MDFIC2: variants seen among roughly 807,000 people sequenced by gnomAD.
The protein encoded by MDFIC2 is MyoD family inhibitor domain containing 2.
rs75325298 is a variant in MDFIC2 at position 70,267,846 on chromosome 3, T to C, written c.88+44040A>G. On this transcript the variant is annotated intron_variant, in intron 2 of 3. Coordinates refer to ENST00000567252, the MANE Select transcript of MDFIC2 (RefSeq NM_001364677.1). Reference sequence around the variant, plus strand: ...AAAAATGGAAATTTAATATGATTACTAATATATCCAGATAACTTGTTTACC... The same window carrying C: ...AAAAATGGAAATTTAATATGATTACCAATATATCCAGATAACTTGTTTACC... 6.4e-3 allele frequency among the ~76,000 whole-genome samples: 967 copies of C among 152,272 alleles called. 4 individuals carry two copies. The highest frequency in any genetic ancestry group is 0.011 in the Non-Finnish European group (755 of 68,014).
At chr3:70,217,243 C>A (rs1701421538) in intron 2 of MDFIC2, among the ~76,000 whole-genome samples, 1 of 152,090 alleles carries the variant, frequency 6.6e-6, no homozygotes, top group Non-Finnish European at 1.5e-5. Context: ...CATGGTGAAT[C>A]ATAAGCTAAC....
intron 2 of MDFIC2, among the ~76,000 whole-genome samples, chr3:70,280,733 C>G (rs1702074400): frequency 6.6e-6 from 1 of 152,128 alleles, no homozygotes; most frequent in Admixed American, 6.5e-5. Context: ...AAACATTACT[C>G]TTAGTTTCCC....
chr3:70,293,320 A>G (rs1002511056), intron 2 of MDFIC2, among the ~76,000 whole-genome samples: 1 of 152,170 alleles, frequency 6.6e-6, no homozygotes, highest in African/African-American at 2.4e-5. Flanking sequence ...AAAAACTGTG[A>G]TATAGTTGTA....
At chr3:70,282,403 T>C (rs1702095461) in intron 2 of MDFIC2, among the ~76,000 whole-genome samples, 1 of 152,176 alleles carries the variant, frequency 6.6e-6, no homozygotes, top group South Asian at 2.1e-4. Flanking sequence ...TCCGATCATG[T>C]TAGTTACAGA....
At chr3:70,251,125 G>A (rs960604530) in intron 2 of MDFIC2, among the ~76,000 whole-genome samples, 4 of 152,106 alleles carry the variant, frequency 2.6e-5, no homozygotes, top group Admixed American at 6.6e-5. Context: ...ACAGGCCTGT[G>A]GTTAATTGTA....
intron 2 of MDFIC2, among the ~76,000 whole-genome samples, chr3:70,243,435 CTCTT>C (rs1404922003): frequency 6.6e-6 from 1 of 152,166 alleles, no homozygotes; most frequent in Non-Finnish European, 1.5e-5. Flanking sequence ...CTGCACTGCT[CTCTT>C]TCTTTCAGAG....
At chr3:70,304,567 CT>C (rs1318981738) in intron 2 of MDFIC2, among the ~76,000 whole-genome samples, 20 of 152,122 alleles carry the variant, frequency 1.3e-4, no homozygotes, top group Non-Finnish European at 2.9e-5. Context: ...TGATTCCTTT[CT>C]TTGTATCACC....
chr3:70,198,401 T>C (rs1301233376), intron 3 of MDFIC2, among the ~76,000 whole-genome samples: 1 of 152,204 alleles, frequency 6.6e-6, no homozygotes, highest in Non-Finnish European at 1.5e-5. Flanking sequence ...TTTACTTTTA[T>C]TTTCCAGAAA....
intron 2 of MDFIC2, among the ~76,000 whole-genome samples, chr3:70,237,566 T>C (rs1701622099): frequency 6.6e-6 from 1 of 152,202 alleles, no homozygotes; most frequent in South Asian, 2.1e-4. Context: ...TCTTCAATCA[T>C]TCAAGGACAG....
chr3:70,305,511 T>C (rs1458558040), intron 2 of MDFIC2, among the ~76,000 whole-genome samples: 1 of 152,154 alleles, frequency 6.6e-6, no homozygotes. Context: ...GAGAATTAGA[T>C]TGGATTAATA....
chr3:70,206,767 GC>G lies in MDFIC2; in HGVS notation c.111del (p.Lys37AsnfsTer13), dbSNP rs1427093042. ...LKEDTQLTNAKHADEKPINAI... is the reference protein window; with the variant it reads ...LKEDTQLTNAXHADEKPINAI... ...GCATTAATGGGTTTCTCATCTGCAT[GC>G]TTTGCATTCGTGAGTTGCGTATCTA... is the stretch of plus-strand genomic sequence containing the variant. On this transcript the variant is annotated frameshift_variant, in exon 3 of 4. Coordinates refer to ENST00000567252, the MANE Select transcript of MDFIC2 (RefSeq NM_001364677.1). LOFTEE classifies it high-confidence loss of function. 6 of 397,528 alleles carry G rather than the reference GC, an allele frequency of 1.5e-5. No homozygotes were observed. The highest frequency in any genetic ancestry group is 2.7e-5 in the Non-Finnish European group (6 of 225,450). 24.6% of individuals were successfully genotyped at this position (397,528 alleles called of 1,614,324 possible).
At chr3:70,242,443 C>T (rs1385010622) in intron 2 of MDFIC2, among the ~76,000 whole-genome samples, 1 of 152,120 alleles carries the variant, frequency 6.6e-6, no homozygotes, top group Non-Finnish European at 1.5e-5. Context: ...ATCTCAGTGG[C>T]CCATAGGTCC....
At chr3:70,289,027 T>C (rs974600188) in intron 2 of MDFIC2, among the ~76,000 whole-genome samples, 4 of 152,216 alleles carry the variant, frequency 2.6e-5, no homozygotes, top group African/African-American at 9.6e-5. Flanking sequence ...TGCCAGTCTG[T>C]GTCTTTTAAT....
At chr3:70,204,214 A>G (rs1262228651) in intron 3 of MDFIC2, among the ~76,000 whole-genome samples, 2 of 152,180 alleles carry the variant, frequency 1.3e-5, no homozygotes, top group South Asian at 2.1e-4. Context: ...CACAAACTAC[A>G]TGAAAGTGGA....
intron 2 of MDFIC2, among the ~76,000 whole-genome samples, chr3:70,233,879 A>G (rs1032997745): frequency 3.3e-5 from 5 of 152,200 alleles, no homozygotes; most frequent in African/African-American, 1.2e-4. Context: ...CAGTTTATCT[A>G]TCCACCCAAT....
intron 2 of MDFIC2, chr3:70,272,261 C>T (rs1039252370): frequency 1.3e-5 from 2 of 151,866 alleles, no homozygotes; most frequent in African/African-American, 2.4e-5. Context: ...CCCCAAGATG[C>T]TCCTTTACGC....
At chr3:70,307,113 G>A (rs957119951) in intron 2 of MDFIC2, among the ~76,000 whole-genome samples, 2 of 152,134 alleles carry the variant, frequency 1.3e-5, no homozygotes, top group Non-Finnish European at 1.5e-5. Flanking sequence ...TCCTAGAACA[G>A]AAGCTGCAAA....
At chr3:70,271,772 T>G (rs1701977222) in intron 2 of MDFIC2, 1 of 152,184 alleles carries the variant, frequency 6.6e-6, no homozygotes, top group Non-Finnish European at 1.5e-5. Context: ...TTTTATTTAT[T>G]TATTTATTTC....
intron 2 of MDFIC2, among the ~76,000 whole-genome samples, chr3:70,285,120 A>G (rs1203145849): frequency 6.6e-6 from 1 of 150,896 alleles, no homozygotes; most frequent in African/African-American, 2.4e-5. Context: ...GGTTAGTTAC[A>G]TATGTATACA....
Sources: gnomAD v4.1 joint callset for allele counts (sites outside exome capture counted in the v4.1 genomes callset) on GRCh38, gnomAD v4.1.1 for gene constraint, MANE v1.5 for transcripts, NCBI Gene and HGNC (gene_info 2026-07-23, HGNC 2026-07-21) for gene names.